The following PAG1 variants were observed in gnomAD, a reference collection of about 807,000 sequenced individuals.
PAG1 encodes phosphoprotein associated with glycosphingolipid-enriched microdomains 1.
In PAG1, 23 loss-of-function variants were observed where a neutral mutation model predicts 31.7. The ratio of observed to expected loss-of-function variants is 0.73; its 90% confidence interval spans 0.52 to 1.03. The LOEUF (loss-of-function observed/expected upper bound fraction) is 1.03. Ranked by LOEUF, PAG1 falls within the 50% of genes least tolerant of loss-of-function variation. The pLI is 0.00. For synonymous variants in PAG1, 214 were observed against 210.3 expected (o/e 1.02, Z -0.15); for missense variants, 473 against 540.7 (o/e 0.87, Z 1.24).
At chr8:81,055,237 A>G (rs1586191656) in intron 2 of PAG1, among the ~76,000 whole-genome samples, 1 of 150,798 alleles carries the variant, frequency 6.6e-6, no homozygotes, top group African/African-American at 2.4e-5. Context: ...CTAATTTTTA[A>G]TTTTTTTTTA....
At chr8:81,006,018 C>T (rs1198225102) in intron 3 of PAG1, among the ~76,000 whole-genome samples, 1 of 152,220 alleles carries the variant, frequency 6.6e-6, no homozygotes, top group Non-Finnish European at 1.5e-5. Context: ...TCTCGACTCA[C>T]AGCAACCTCT....
rs975540078 is a variant in PAG1 at position 80,990,146 on chromosome 8, G to A, written c.177+1333C>T. On this transcript the variant is annotated intron_variant, in intron 5 of 8. Transcript: ENST00000220597. This position sits in a 1 kb window ranked among gnomAD's most constrained non-coding sequence, Gnocchi z 5.1. Reference sequence around the variant, plus strand: ...TGTGGACAACCAGGGATGGGAACAGGGCGAGAAACAGAGTAAAGGGAGGAG... The same window carrying A: ...TGTGGACAACCAGGGATGGGAACAGAGCGAGAAACAGAGTAAAGGGAGGAG... Among the ~76,000 whole-genome samples the A allele has an allele frequency of 2.0e-5, 3 of 152,058 alleles. No individual in the cohort carries two copies. Among genetic ancestry groups the A allele is most frequent in the African/African-American group, 7.2e-5 (3 of 41,398 alleles).
In PAG1 at chr8:80,985,165, A is replaced by T. The variant is rs765587840; in HGVS notation, c.487T>A (p.Tyr163Asn). The T allele has an allele frequency of 1.7e-5, 28 of 1,613,972 alleles. No individual in the cohort carries two copies. The highest frequency in any genetic ancestry group is 1.1e-5 in the Non-Finnish European group (13 of 1,180,020). Reference sequence around the variant, plus strand: ...GAGGAGCTGTCCTTGAGCACTTCATAGGGCCCTTCCATCCCCAGCCCCTGG... The same window carrying T: ...GAGGAGCTGTCCTTGAGCACTTCATTGGGCCCTTCCATCCCCAGCCCCTGG... Reference protein sequence around the residue: ...GDQGLGMEGPYEVLKDSSSQE... With the variant: ...GDQGLGMEGPNEVLKDSSSQE... Residue 163 changes from tyrosine to asparagine, a missense_variant, in exon 7 of 9, where the codon TAT (tyrosine) becomes AAT (asparagine). Physicochemically the swap from Tyr to Asn is moderately radical, Grantham distance 143. Coordinates refer to ENST00000220597, the MANE Select transcript of PAG1 (RefSeq NM_018440.4).
intron 3 of PAG1, among the ~76,000 whole-genome samples, chr8:81,017,053 G>C (rs756325483): frequency 5.3e-5 from 8 of 152,082 alleles, no homozygotes; most frequent in Non-Finnish European, 8.8e-5. Context: ...GAGTGAACCT[G>C]GCCAAGACGA....
Position 81,056,866 on chromosome 8 carries a change from T to A in PAG1, c.-175+13246A>T, listed in dbSNP as rs191352708. Among the ~76,000 whole-genome samples the A allele has an allele frequency of 2.5e-4, 38 of 152,066 alleles. No individual in the cohort carries two copies. In the East Asian group the frequency reaches 6.0e-3, roughly 24 times the overall value. On this transcript the variant is annotated intron_variant, in intron 2 of 8. Coordinates refer to ENST00000220597, the MANE Select transcript of PAG1 (RefSeq NM_018440.4). ...AGAATCTACAAAGAACTCAAAGAAA[T>A]TTACAAGAAAAAAACAAACAACCCC...
At chr8:81,092,305 G>A (rs1414526800) in intron 1 of PAG1, among the ~76,000 whole-genome samples, 1 of 152,048 alleles carries the variant, frequency 6.6e-6, no homozygotes, top group African/African-American at 2.4e-5. Flanking sequence ...GATTGCTTGA[G>A]CGTGGGAGGT....
Position 80,975,415 on chromosome 8 carries a change from T to G in PAG1, c.*1129A>C, listed in dbSNP as rs1454290155. ...TCATTGTACATAAAATCAAAATAGCTAATATACATTTTTTTCTGGCACTTT... is the reference window on the plus strand; with the variant it reads ...TCATTGTACATAAAATCAAAATAGCGAATATACATTTTTTTCTGGCACTTT... On this transcript the variant is annotated 3_prime_UTR_variant, in exon 9 of 9. Transcript: ENST00000220597. The G allele has an allele frequency of 6.6e-6, 1 of 152,220 alleles. No individual in the cohort carries two copies. The highest frequency in any genetic ancestry group is 1.5e-5 in the Non-Finnish European group (1 of 68,042). 9.4% of individuals were successfully genotyped at this position (152,220 alleles called of 1,614,324 possible).
chr8:81,015,461 T>G (rs1808056576), intron 3 of PAG1, among the ~76,000 whole-genome samples: 1 of 152,232 alleles, frequency 6.6e-6, no homozygotes, highest in Admixed American at 6.5e-5. Flanking sequence ...ACACATGCAC[T>G]CAGAGGCAGT....
intron 2 of PAG1, among the ~76,000 whole-genome samples, chr8:81,042,600 G>A (rs1808572742): frequency 6.6e-6 from 1 of 151,882 alleles, no homozygotes; most frequent in Non-Finnish European, 1.5e-5. Context: ...GTTCAGGCTA[G>A]TAGATTTGTA....
intron 7 of PAG1, 73 bp downstream of exon 7, chr8:80,984,703 C>G (rs1363812431): frequency 3.6e-6 from 5 of 1,405,054 alleles, no homozygotes; most frequent in African/African-American, 1.4e-5. Flanking sequence ...TTTCCCAGAA[C>G]AACTCCAGGG....
At chr8:81,021,591 C>T (rs1274824298) in intron 3 of PAG1, among the ~76,000 whole-genome samples, 1 of 149,728 alleles carries the variant, frequency 6.7e-6, no homozygotes, top group Non-Finnish European at 1.5e-5. Flanking sequence ...AGGGAGAATA[C>T]AAGTATTTCT....
chr8:81,075,824 CAT>C lies in PAG1; in HGVS notation c.-233-5656_-233-5655del, dbSNP rs781695592. Among the ~76,000 whole-genome samples the C allele has an allele frequency of 7.2e-5, 11 of 152,316 alleles. 2 individuals are homozygous for C. Among genetic ancestry groups the C allele is most frequent in the Admixed American group, 3.3e-4 (5 of 15,302 alleles). On this transcript the variant is annotated intron_variant, in intron 1 of 8. Coordinates refer to ENST00000220597, the MANE Select transcript of PAG1 (RefSeq NM_018440.4). The stretch of plus-strand genomic sequence containing the variant: ...GCTTTCCCGCATCTCTGAGCATACA[CAT>C]AGTCACTACTAAATATTATATGTGC...
At chr8:81,065,367 G>A (rs745897998) in intron 2 of PAG1, among the ~76,000 whole-genome samples, 6 of 151,384 alleles carry the variant, frequency 4.0e-5, no homozygotes, top group Admixed American at 2.6e-4. Context: ...ACTTTCAAAC[G>A]GAAGAGTCCT....
chr8:81,089,961 C>T (rs80240106), intron 1 of PAG1, among the ~76,000 whole-genome samples: 1,989 of 152,206 alleles, frequency 0.013, 43 homozygotes, highest in African/African-American at 0.044. Flanking sequence ...TCTCTCAATC[C>T]ATAAACTCTG....
At chr8:81,004,184 C>CCTG (rs1210738553) in intron 3 of PAG1, among the ~76,000 whole-genome samples, 1 of 152,204 alleles carries the variant, frequency 6.6e-6, no homozygotes, top group Admixed American at 6.5e-5. Context: ...AAACACTTCT[C>CCTG]CTGAAAGCTT....
chr8:81,105,032 T>C (rs1031733268), intron 1 of PAG1, among the ~76,000 whole-genome samples: 1 of 152,062 alleles, frequency 6.6e-6, no homozygotes, highest in Non-Finnish European at 1.5e-5. Context: ...TGTTTCACCA[T>C]ATTCCCTGTT....
intron 2 of PAG1, among the ~76,000 whole-genome samples, chr8:81,051,844 C>T (rs372914357): frequency 2.6e-5 from 4 of 152,118 alleles, no homozygotes; most frequent in South Asian, 2.1e-4. Flanking sequence ...AGACTATAAA[C>T]TATTGGCCGG....
intron 3 of PAG1, among the ~76,000 whole-genome samples, chr8:80,998,486 G>A (rs945876938): frequency 6.6e-6 from 1 of 152,004 alleles, no homozygotes; most frequent in Non-Finnish European, 1.5e-5. Context: ...GCCCTATGCA[G>A]CACTTTCTTT....
intron 2 of PAG1, among the ~76,000 whole-genome samples, chr8:81,041,172 C>T (rs979805177): frequency 2.6e-5 from 4 of 152,126 alleles, no homozygotes; most frequent in Non-Finnish European, 5.9e-5. Flanking sequence ...AATATAGGAG[C>T]AGCCTCCACC....
Sources: allele counts gnomAD v4.1 joint callset (sites outside exome capture counted in the v4.1 genomes callset), GRCh38; gene constraint gnomAD v4.1.1; non-coding constraint Gnocchi (gnomAD v3.1); transcripts MANE v1.5; gene names NCBI Gene and HGNC (gene_info 2026-07-23, HGNC 2026-07-21).